The following AK9 variants were observed in gnomAD, a reference collection of about 807,000 sequenced individuals.
The protein encoded by AK9 is adenylate kinase 9, also known as adenylate kinase domain containing 1.
AK9 carries 191 observed loss-of-function variants against 239.6 expected under a neutral mutation model. The observed-to-expected ratio is 0.80, with a 90% CI of 0.71 to 0.90. The LOEUF is 0.90. AK9 is among the 40% of genes least tolerant of loss of function. The pLI is 0.00. For synonymous variants in AK9, 689 were observed against 721.0 expected, an observed-to-expected ratio of 0.96 and a Z score of 0.71; for missense variants, 1,995 against 2,214.7, an observed-to-expected ratio of 0.90 and a Z score of 1.99.
At chr6:109,561,617 AT>A (rs200926339) in intron 24 of AK9, among the ~76,000 whole-genome samples, 9 of 150,612 alleles carry the variant, frequency 6.0e-5, no homozygotes, top group East Asian at 5.9e-4. Flanking sequence ...CCAGGCTGAC[AT>A]TTTTTTTTCC....
At chr6:109,534,820 T>C (rs1562366908) in intron 27 of AK9, among the ~76,000 whole-genome samples, 1 of 152,124 alleles carries the variant, frequency 6.6e-6, no homozygotes, top group Non-Finnish European at 1.5e-5. Flanking sequence ...ATGTTCTCAT[T>C]GTTCAATTCC....
Position 109,522,733 on chromosome 6 carries a change from G to C in AK9, c.3634-6091C>G, listed in dbSNP as rs555330067. ...TTTATGTTGGTTTTTCCTTTTGTTG[G>C]TGATTTTCCTCAAGTATATGGTAAC... On this transcript the variant is annotated intron_variant, in intron 29 of 40. Coordinates refer to ENST00000424296, the MANE Select transcript of AK9 (RefSeq NM_001145128.3). 1.4e-3 allele frequency among the ~76,000 whole-genome samples: 219 copies of C among 152,054 alleles called. 1 individual carries two copies. Among genetic ancestry groups the C allele is most frequent in the Non-Finnish European group, 2.6e-3 (177 of 67,968 alleles).
chr6:109,534,282 T>C (rs899959742), intron 27 of AK9, among the ~76,000 whole-genome samples: 5 of 150,024 alleles, frequency 3.3e-5, no homozygotes, highest in Non-Finnish European at 7.4e-5. Flanking sequence ...AGAGCACTTA[T>C]TTTAATTTAT....
intron 10 of AK9, among the ~76,000 whole-genome samples, chr6:109,635,210 A>G (rs1330703135): frequency 1.3e-5 from 2 of 152,232 alleles, no homozygotes; most frequent in African/African-American, 2.4e-5. Context: ...ACAGCTACAC[A>G]GTTTTGTAAG....
At chr6:109,506,974 C>G (rs1778180722) in intron 33 of AK9, among the ~76,000 whole-genome samples, 174 bp from the exon 34 acceptor site, 2 of 152,264 alleles carry the variant, frequency 1.3e-5, no homozygotes, top group South Asian at 4.1e-4. Context: ...TAATCTCAGT[C>G]AGGCCAAGAG....
intron 8 of AK9, among the ~76,000 whole-genome samples, chr6:109,653,226 A>C (rs535803195): frequency 6.6e-6 from 1 of 151,992 alleles, no homozygotes; most frequent in Admixed American, 6.6e-5. Context: ...CACGCCTGGC[A>C]AAAGTAGGTT....
intron 24 of AK9, among the ~76,000 whole-genome samples, chr6:109,551,621 A>G (rs1475021361): frequency 6.6e-6 from 1 of 152,014 alleles, no homozygotes; most frequent in Non-Finnish European, 1.5e-5. Flanking sequence ...ATGAAGGTGT[A>G]TGTAAGAAAT....
At chr6:109,627,633 G>A (rs9384719) in intron 12 of AK9, among the ~76,000 whole-genome samples, 28,731 of 151,168 alleles carry the variant, frequency 0.19, 3,192 homozygotes, top group South Asian at 0.34. Context: ...GCACATAACT[G>A]TATTGGTTTA....
chr6:109,686,142 C>T (rs1773474391), intron 1 of AK9, among the ~76,000 whole-genome samples: 1 of 152,182 alleles, frequency 6.6e-6, no homozygotes, highest in African/African-American at 2.4e-5. Context: ...AAGGACTCTC[C>T]TGCTGTTTGA....
chr6:109,515,756 T>A, intron 31 of AK9, 101 bp downstream of exon 31: 3 of 1,095,786 alleles, frequency 2.7e-6, no homozygotes, highest in Non-Finnish European at 3.9e-6. Flanking sequence ...ACACAATACT[T>A]ACAATTTTTG....
intron 20 of AK9, among the ~76,000 whole-genome samples, chr6:109,577,032 G>A (rs552546516): frequency 2.6e-5 from 4 of 152,006 alleles, no homozygotes; most frequent in South Asian, 4.2e-4. Context: ...GGGTTTCACC[G>A]TGTTAGCCAG....
chr6:109,604,682 G>A (rs1005844861), intron 17 of AK9, among the ~76,000 whole-genome samples: 1 of 152,148 alleles, frequency 6.6e-6, no homozygotes, highest in Non-Finnish European at 1.5e-5. Context: ...AACTGTTCTA[G>A]TCTCAATTAT....
At chr6:109,566,108 AGAGCCATACAAGAT>A (rs1042209861) in intron 21 of AK9, among the ~76,000 whole-genome samples, 4 of 152,106 alleles carry the variant, frequency 2.6e-5, no homozygotes, top group Non-Finnish European at 5.9e-5. Context: ...TCAGTCTAGA[AGAGCCATACAAGAT>A]GAGTACTTAC....
chr6:109,635,946 T>C lies in AK9; in HGVS notation c.934-2623A>G, dbSNP rs143148023. ...CTGTTAAATTTTTAAAATATCACCATTGGTTCTAGGCACTTTAAAAGCATA... is the reference window on the plus strand; with the variant it reads ...CTGTTAAATTTTTAAAATATCACCACTGGTTCTAGGCACTTTAAAAGCATA... On this transcript the variant is annotated intron_variant, in intron 10 of 40. Coordinates refer to ENST00000424296, the MANE Select transcript of AK9 (RefSeq NM_001145128.3). 2.5e-3 allele frequency among the ~76,000 whole-genome samples: 386 copies of C among 152,298 alleles called. 1 individual carries two copies. Among genetic ancestry groups the C allele is most frequent in the African/African-American group, 8.9e-3 (371 of 41,556 alleles).
At chr6:109,567,834 TAACA>T (rs1370755084) in intron 21 of AK9, among the ~76,000 whole-genome samples, 1 of 149,140 alleles carries the variant, frequency 6.7e-6, no homozygotes, top group Non-Finnish European at 1.5e-5. Context: ...TATACATATG[TAACA>T]AACCTGCACA....
chr6:109,608,207 A>G (rs1337791312), intron 17 of AK9, among the ~76,000 whole-genome samples: 5 of 145,938 alleles, frequency 3.4e-5, no homozygotes, highest in Non-Finnish European at 7.5e-5. Context: ...TGAACCCATG[A>G]GGTGGAGGTT....
chr6:109,633,088 G>C lies in AK9; in HGVS notation c.1089C>G (p.Ile363Met). The change falls in exon 12 of 41, where the codon ATC (isoleucine) becomes ATG (methionine). Residue 363 changes from isoleucine (I) to methionine (M), a missense_variant. By Grantham distance (10) the Ile-to-Met change is conservative. Coordinates refer to ENST00000424296, the MANE Select transcript of AK9 (RefSeq NM_001145128.3). ...PDYSVSFLGK[I>M]YCLSSEEALK... ...ATGCTTCTTCTGATGAAAGACAGTA[G>C]ATTTTACCTAGAAAACTTAAAATAT... The C allele has an allele frequency of 6.5e-7, 1 of 1,545,956 alleles. No individual in the cohort carries two copies. Among genetic ancestry groups the C allele is most frequent in the South Asian group, 1.3e-5 (1 of 78,448 alleles).
intron 12 of AK9, among the ~76,000 whole-genome samples, chr6:109,630,244 A>G (rs978135167): frequency 1.3e-5 from 2 of 152,196 alleles, no homozygotes; most frequent in African/African-American, 4.8e-5. Flanking sequence ...AAAACTCCAA[A>G]TTATTACTAA....
chr6:109,605,892 C>T (rs1025397143), intron 17 of AK9, among the ~76,000 whole-genome samples: 1 of 151,966 alleles, frequency 6.6e-6, no homozygotes, highest in African/African-American at 2.4e-5. Flanking sequence ...ATTTCATATT[C>T]CAAAGAATTC....
Sources: allele counts gnomAD v4.1 joint callset (sites outside exome capture counted in the v4.1 genomes callset), GRCh38; gene constraint gnomAD v4.1.1; transcripts MANE v1.5; gene names NCBI Gene and HGNC (gene_info 2026-07-23, HGNC 2026-07-21).